Variants in PRKG1 observed in about 807,000 individuals in gnomAD.
PRKG1 encodes the protein protein kinase cGMP-dependent 1.
A neutral mutation model predicts 88.1 loss-of-function variants in PRKG1; 35 were observed. That is an observed-to-expected ratio of 0.40 (90% CI 0.30 to 0.53). The LOEUF is 0.53. Among genes scored for constraint, PRKG1 ranks in the 20% least tolerant of loss-of-function variants. PRKG1 has a pLI of 0.59. For synonymous variants in PRKG1, 303 were observed against 292.5 expected (o/e 1.04, Z -0.37); for missense variants, 540 against 839.8 (o/e 0.64, Z 4.41).
intron 3 of PRKG1, among the ~76,000 whole-genome samples, chr10:51,556,237 T>C (rs548883092): frequency 1.3e-5 from 2 of 152,146 alleles, no homozygotes; most frequent in Non-Finnish European, 2.9e-5. Context: ...TTATCATTCC[T>C]AGGATATAAG....
intron 3 of PRKG1, among the ~76,000 whole-genome samples, chr10:51,526,855 C>T (rs1841897548): frequency 6.6e-6 from 1 of 152,048 alleles, no homozygotes. Context: ...TACATTAGAC[C>T]CTTATTACCA....
chr10:51,221,879 T>TC (rs200828177), intron 2 of PRKG1, among the ~76,000 whole-genome samples: 13 of 146,894 alleles, frequency 8.8e-5, no homozygotes, highest in East Asian at 2.0e-4. Context: ...TTTCTTTCTT[T>TC]TTTTTTTTTT....
chr10:52,251,250 TC>T (rs1841162112), intron 9 of PRKG1, among the ~76,000 whole-genome samples: 1 of 151,962 alleles, frequency 6.6e-6, no homozygotes, highest in African/African-American at 2.4e-5. Context: ...ACTCAAACAA[TC>T]CGTGTTCACA....
intron 7 of PRKG1, among the ~76,000 whole-genome samples, chr10:52,083,914 AT>A (rs921587559): frequency 6.6e-6 from 1 of 152,056 alleles, no homozygotes; most frequent in Non-Finnish European, 1.5e-5. Flanking sequence ...CTAAAACGAA[AT>A]CTTTTGTGGC....
intron 4 of PRKG1, among the ~76,000 whole-genome samples, chr10:51,812,246 C>T (rs1409199528): frequency 6.6e-6 from 1 of 152,204 alleles, no homozygotes; most frequent in African/African-American, 2.4e-5. Flanking sequence ...GCATTTTCTG[C>T]ATCCTGCTGG....
chr10:52,093,991 G>A (rs937830594), intron 7 of PRKG1, among the ~76,000 whole-genome samples: 1 of 152,116 alleles, frequency 6.6e-6, no homozygotes, highest in Non-Finnish European at 1.5e-5. Flanking sequence ...AAATCAACTT[G>A]CTACTATTTC....
In PRKG1 at chr10:52,058,895, T is replaced by C. The variant is rs567516851; in HGVS notation, c.841-3642T>C. On this transcript the variant is annotated intron_variant, in intron 6 of 17. Coordinates refer to ENST00000373980, the MANE Select transcript of PRKG1 (RefSeq NM_006258.4). ...CTAACAGGGAAAATTATTTGAAAAG[T>C]ACACGTCTTGTAAGGGGTTTGTATT... Among the ~76,000 whole-genome samples the C allele has an allele frequency of 4.6e-5, 7 of 151,978 alleles. No homozygotes were observed. The South Asian group carries it at 1.5e-3, about 32-fold the overall frequency.
At chr10:51,108,009 T>C (rs775547515) in intron 1 of PRKG1, among the ~76,000 whole-genome samples, 3 of 152,010 alleles carry the variant, frequency 2.0e-5, no homozygotes, top group Admixed American at 6.6e-5. Flanking sequence ...TTACGTGAAA[T>C]GGACAGATTA....
chr10:51,610,882 G>T (rs1838888617), intron 3 of PRKG1, among the ~76,000 whole-genome samples: 1 of 152,032 alleles, frequency 6.6e-6, no homozygotes, highest in Non-Finnish European at 1.5e-5. Context: ...CACACACTGG[G>T]GCCTATCAGG....
intron 9 of PRKG1, among the ~76,000 whole-genome samples, chr10:52,239,824 T>C (rs1840811688): frequency 6.6e-6 from 1 of 152,156 alleles, no homozygotes; most frequent in South Asian, 2.1e-4. Flanking sequence ...TATAATAATT[T>C]TGTATACATA....
At chr10:51,619,934 T>G (rs1828955052) in intron 3 of PRKG1, among the ~76,000 whole-genome samples, 1 of 152,072 alleles carries the variant, frequency 6.6e-6, no homozygotes, top group Non-Finnish European at 1.5e-5. Context: ...TAACTGTAGT[T>G]TTTTCTTTAA....
chr10:51,164,469 G>C (rs1034621403), intron 2 of PRKG1, among the ~76,000 whole-genome samples: 54 of 152,110 alleles, frequency 3.6e-4, no homozygotes, highest in African/African-American at 1.2e-3. Flanking sequence ...AGAAAAACTG[G>C]AAACTCCAAA....
intron 5 of PRKG1, among the ~76,000 whole-genome samples, chr10:52,037,243 G>A (rs2133222302): frequency 6.6e-6 from 1 of 152,320 alleles, no homozygotes; most frequent in South Asian, 2.1e-4. Flanking sequence ...TCCTGTGGGA[G>A]GAGGTTCTGG....
intron 3 of PRKG1, among the ~76,000 whole-genome samples, chr10:51,475,783 ATGT>A (rs1180354499): frequency 6.6e-6 from 1 of 151,954 alleles, no homozygotes; most frequent in African/African-American, 2.4e-5. Flanking sequence ...CTGTCGAGCC[ATGT>A]TGTTAACAAA....
intron 3 of PRKG1, among the ~76,000 whole-genome samples, chr10:51,791,604 A>T (rs910738071): frequency 6.6e-6 from 1 of 152,116 alleles, no homozygotes; most frequent in Non-Finnish European, 1.5e-5. Context: ...CTCAGAGTAG[A>T]ATATGGTACC....
intron 9 of PRKG1, among the ~76,000 whole-genome samples, chr10:52,177,979 T>C (rs1838910859): frequency 6.6e-6 from 1 of 151,630 alleles, no homozygotes; most frequent in Non-Finnish European, 1.5e-5. Context: ...TTTTTTTTTT[T>C]GGTCTCAATG....
At chr10:51,847,088 GGCATC>G (rs1840417399) in intron 4 of PRKG1, among the ~76,000 whole-genome samples, 1 of 152,062 alleles carries the variant, frequency 6.6e-6, no homozygotes, top group Non-Finnish European at 1.5e-5. Context: ...GTCATTTAAT[GGCATC>G]ACATTCCTTG....
Position 50,991,261 on chromosome 10 carries a change from G to A in PRKG1, c.-118G>A. On this transcript the variant is annotated 5_prime_UTR_variant, in exon 1 of 18. Coordinates refer to the PRKG1 transcript ENST00000401604. This position sits in a 1 kb window ranked among gnomAD's most constrained non-coding sequence, Gnocchi z 4.5. ...GCACTCCGCCGCGCTCGAGTACTTA[G>A]CGCCCATTCACTCGCTCACCCGCGC... 1.4e-6 allele frequency: 2 copies of A among 1,395,538 alleles called. No individual in the cohort carries two copies. The highest frequency in any genetic ancestry group is 1.9e-6 in the Non-Finnish European group (2 of 1,059,082). 86.4% of individuals were successfully genotyped at this position (1,395,538 alleles called of 1,614,324 possible).
intron 3 of PRKG1, among the ~76,000 whole-genome samples, chr10:51,691,908 T>G (rs1359798297): frequency 6.6e-6 from 1 of 152,192 alleles, no homozygotes; most frequent in Non-Finnish European, 1.5e-5. Context: ...GGAACAAAAC[T>G]TGAATAACAT....
Sources: allele counts gnomAD v4.1 joint callset (sites outside exome capture counted in the v4.1 genomes callset), GRCh38; gene constraint gnomAD v4.1.1; non-coding constraint Gnocchi (gnomAD v3.1); transcripts MANE v1.5; gene names NCBI Gene and HGNC (gene_info 2026-07-23, HGNC 2026-07-21).